Variants in VIT observed in about 807,000 individuals in gnomAD.
The protein encoded by VIT is vitrin.
Under a neutral mutation model 78.0 loss-of-function variants are expected in VIT, and 99 were observed. The observed-to-expected ratio is 1.27, with a 90% CI of 1.08 to 1.50. The LOEUF (loss-of-function observed/expected upper bound fraction) is 1.50. Among genes scored for constraint, VIT ranks in the 40% most tolerant of loss-of-function variants. VIT has a pLI of 0.00. For synonymous variants in VIT, 374 were observed against 334.3 expected (o/e 1.12, Z -1.29); for missense variants, 1,126 against 875.3 (o/e 1.29, Z -3.61).
Position 36,805,569 on chromosome 2 carries a change from G to C in VIT, c.1294G>C (p.Ala432Pro), listed in dbSNP as rs1455375311. 3.1e-6 allele frequency: 5 copies of C among 1,614,056 alleles called. No homozygotes were observed. Among genetic ancestry groups the C allele is most frequent in the Admixed American group, 1.7e-5 (1 of 60,000 alleles). Residue 432 changes from alanine to proline, a missense_variant, in exon 14 of 16, where the codon GCG becomes CCG. Transcript: ENST00000379242. ...TDKVEEASRLARESGINIFFI... is the reference protein window; with the variant it reads ...TDKVEEASRLPRESGINIFFI... ...CAAAGTGGAGGAGGCTTCAAGACTT[G>C]CGAGAGAGTCAGGAATCAACATTTT...
intron 11 of VIT, 54 bp downstream of exon 11, chr2:36,783,456 TCTC>T: frequency 6.4e-7 from 1 of 1,568,858 alleles, no homozygotes; most frequent in South Asian, 1.1e-5. Context: ...TGAACTGCTC[TCTC>T]CTCTCTTCCC....
intron 6 of VIT, among the ~76,000 whole-genome samples, chr2:36,765,967 C>G (rs944834586): frequency 1.3e-5 from 2 of 152,372 alleles, no homozygotes; most frequent in East Asian, 1.9e-4. Context: ...TGGGGCCCAG[C>G]AGGCACAAGC....
Position 36,787,148 on chromosome 2 carries a change from G to GT in VIT, c.935dup (p.Leu312PhefsTer3). ...CCGCAGACTGCAAAATTGACTTGTC[G>GT]TTTTTAATTGATGGGAGCACCAGCA... On this transcript the variant is annotated frameshift_variant, in exon 12 of 16. Coordinates refer to ENST00000379242, the MANE Select transcript of VIT (RefSeq NM_053276.4). LOFTEE classifies it high-confidence loss of function. The GT allele has an allele frequency of 6.2e-7, 1 of 1,614,148 alleles. No homozygotes were observed. Among genetic ancestry groups the GT allele is most frequent in the East Asian group, 2.2e-5 (1 of 44,884 alleles).
chr2:36,775,239 T>C (rs1283318087), intron 9 of VIT, among the ~76,000 whole-genome samples, 172 bp downstream of exon 9: 1 of 152,216 alleles, frequency 6.6e-6, no homozygotes, highest in African/African-American at 2.4e-5. Flanking sequence ...GTCTCTTTGA[T>C]TGATCTGTTC....
chr2:36,753,854 G>A (rs1158703857), intron 4 of VIT, among the ~76,000 whole-genome samples: 3 of 152,286 alleles, frequency 2.0e-5, no homozygotes, highest in East Asian at 3.9e-4. Context: ...AGAGGTAGAT[G>A]GGAGCAAGAG....
intron 12 of VIT, among the ~76,000 whole-genome samples, chr2:36,797,699 G>A (rs1436419244): frequency 1.3e-5 from 2 of 152,190 alleles, no homozygotes; most frequent in Admixed American, 6.5e-5. Context: ...CACATGAATG[G>A]TCTGTGAGTC....
intron 7 of VIT, among the ~76,000 whole-genome samples, chr2:36,771,332 T>C (rs1006674515): frequency 4.6e-5 from 7 of 151,992 alleles, no homozygotes; most frequent in East Asian, 1.9e-4. Context: ...GTTCGACCAG[T>C]CTGGCCAAGA....
chr2:36,806,852 T>C (rs933963244), intron 14 of VIT, among the ~76,000 whole-genome samples: 4 of 152,190 alleles, frequency 2.6e-5, no homozygotes, highest in Non-Finnish European at 5.9e-5. Context: ...CGTGGGCCAC[T>C]GCGCCCGGCC....
At chr2:36,753,112 A>G (rs1668560902) in intron 4 of VIT, among the ~76,000 whole-genome samples, 1 of 152,130 alleles carries the variant, frequency 6.6e-6, no homozygotes, top group South Asian at 2.1e-4. Context: ...AAGAACAGAA[A>G]ATCAAATACC....
chr2:36,703,919 GTTTGTTTTTTGTTT>G (rs1558499562), intron 1 of VIT, among the ~76,000 whole-genome samples: 10 of 18,892 alleles, frequency 5.3e-4, no homozygotes, highest in Admixed American at 2.3e-3. Flanking sequence ...GTTTTTTTTT[GTTTGTTTTTTGTTT>G]TTGTTTTTTT....
intron 9 of VIT, among the ~76,000 whole-genome samples, chr2:36,780,937 C>T (rs1168000088): frequency 6.6e-6 from 1 of 152,076 alleles, no homozygotes; most frequent in Admixed American, 6.6e-5. Context: ...TGTCCCTGAG[C>T]CCCTCTCAGC....
chr2:36,812,735 C>G (rs2148691661), intron 15 of VIT, among the ~76,000 whole-genome samples: 2 of 152,276 alleles, frequency 1.3e-5, no homozygotes, highest in Middle Eastern at 6.8e-3. Context: ...AAAGGAGATG[C>G]TGACCCCACA....
chr2:36,769,279 G>C (rs1369729171), intron 7 of VIT, among the ~76,000 whole-genome samples: 1 of 152,308 alleles, frequency 6.6e-6, no homozygotes, highest in African/African-American at 2.4e-5. Context: ...TAAACATGTG[G>C]CATATTTATT....
intron 1 of VIT, among the ~76,000 whole-genome samples, chr2:36,701,598 A>G (rs538390778): frequency 1.4e-5 from 2 of 146,548 alleles, no homozygotes; most frequent in Non-Finnish European, 3.0e-5. Context: ...CTGTTTCTAC[A>G]TTCTTTCTTC....
intron 9 of VIT, among the ~76,000 whole-genome samples, chr2:36,780,188 G>A (rs923484786): frequency 5.3e-5 from 8 of 152,234 alleles, no homozygotes; most frequent in Admixed American, 3.9e-4. Flanking sequence ...AAAGTGGCAT[G>A]AATATAAGGA....
Position 36,717,477 on chromosome 2 carries a change from C to T in VIT, c.52+1055C>T, listed in dbSNP as rs189638246. Reference sequence around the variant, plus strand: ...GGTCTCGATCTCCTGACCTTGTGATCCTCCTGCCTCAGCCTCCCAAAGTGC... The same window carrying T: ...GGTCTCGATCTCCTGACCTTGTGATTCTCCTGCCTCAGCCTCCCAAAGTGC... On this transcript the variant is annotated intron_variant, in intron 2 of 15. Coordinates refer to ENST00000379242, the MANE Select transcript of VIT (RefSeq NM_053276.4). Among the ~76,000 whole-genome samples, 1,004 of 150,464 alleles carry T rather than the reference C, an allele frequency of 6.7e-3. 13 individuals are homozygous for T. The highest frequency in any genetic ancestry group is 0.023 in the African/African-American group (960 of 41,086).
chr2:36,733,240 G>C (rs535547687), intron 3 of VIT, among the ~76,000 whole-genome samples: 1 of 152,284 alleles, frequency 6.6e-6, no homozygotes, highest in African/African-American at 2.4e-5. Flanking sequence ...ACTCCCTCCA[G>C]CTCCCTCCGG....
At chr2:36,698,880 G>T (rs59846382) in intron 1 of VIT, among the ~76,000 whole-genome samples, 3,192 of 151,986 alleles carry the variant, frequency 0.021, 98 homozygotes, top group South Asian at 0.1. Flanking sequence ...GGAGGCAGAG[G>T]TTGCAGTGAG....
chr2:36,742,637 C>T (rs919633338), intron 3 of VIT, among the ~76,000 whole-genome samples: 8 of 152,328 alleles, frequency 5.3e-5, no homozygotes, highest in Admixed American at 5.2e-4. Context: ...AATGGAGTCC[C>T]TACCCACAAG....
Sources: allele counts gnomAD v4.1 joint callset (sites outside exome capture counted in the v4.1 genomes callset), GRCh38; gene constraint gnomAD v4.1.1; transcripts MANE v1.5; gene names NCBI Gene and HGNC (gene_info 2026-07-23, HGNC 2026-07-21).